The following ZNF875 variants were observed in gnomAD, a reference collection of about 807,000 sequenced individuals.
The protein encoded by ZNF875 is zinc finger protein 875.
A neutral mutation model predicts 11.2 loss-of-function variants in ZNF875; 14 were observed. The observed-to-expected ratio is 1.26, with a 90% CI of 0.83 to 1.96. ZNF875 has a LOEUF of 1.96. Ranked by LOEUF, ZNF875 falls within the 30% of genes most tolerant of loss-of-function variation. The probability of loss-of-function intolerance (pLI) is 0.00; values close to 1 mark genes in which losing one functional copy is unlikely to be tolerated. For synonymous variants in ZNF875, 301 were observed against 281.1 expected, an observed-to-expected ratio of 1.07 and a Z score of -0.71; for missense variants, 752 against 760.4, an observed-to-expected ratio of 0.99 and a Z score of 0.13.
intron 4 of ZNF875, among the ~76,000 whole-genome samples, chr19:37,360,725 G>A (rs918995167): frequency 1.3e-5 from 2 of 151,166 alleles, no homozygotes; most frequent in African/African-American, 4.9e-5. Flanking sequence ...CTAACTTCTG[G>A]CCTCAAGCAA....
chr19:37,321,780 G>A (rs1272127150), intron 1 of ZNF875, among the ~76,000 whole-genome samples: 2 of 152,140 alleles, frequency 1.3e-5, no homozygotes, highest in East Asian at 1.9e-4. Context: ...AATCCACCCA[G>A]GATCGGGGAG....
At position 37,352,078 on chromosome 19, in the gene ZNF875, A is replaced by T. The variant is rs565446791; in HGVS notation, c.256+4206A>T. 2.6e-5 allele frequency among the ~76,000 whole-genome samples: 4 copies of T among 152,278 alleles called. No individual in the cohort carries two copies. The South Asian group carries it at 8.3e-4, about 32-fold the overall frequency. On this transcript the variant is annotated intron_variant, in intron 4 of 4. Coordinates refer to ENST00000392153, the MANE Select transcript of ZNF875 (RefSeq NM_001353803.2). ...AAGGTTTTGATTCATACAGTTAGTAATTTTGCTATGAGGCACATGTACATT... is the reference window on the plus strand; with the variant it reads ...AAGGTTTTGATTCATACAGTTAGTATTTTTGCTATGAGGCACATGTACATT...
chr19:37,360,170 TATAAA>T (rs2039669882), intron 4 of ZNF875, among the ~76,000 whole-genome samples: 1 of 152,242 alleles, frequency 6.6e-6, no homozygotes, highest in South Asian at 2.1e-4. Context: ...TACAATCTCA[TATAAA>T]GAGTATCCTT....
chr19:37,314,623 G>T (rs558443719), upstream of ZNF875, among the ~76,000 whole-genome samples: 1 of 151,884 alleles, frequency 6.6e-6, no homozygotes, highest in African/African-American at 2.4e-5. Flanking sequence ...TCAGAAGTTC[G>T]AGAGCATTCT....
intron 4 of ZNF875, among the ~76,000 whole-genome samples, chr19:37,360,240 A>G (rs1384339909): frequency 6.6e-6 from 1 of 152,216 alleles, no homozygotes; most frequent in Non-Finnish European, 1.5e-5. Flanking sequence ...CTGTGAATCT[A>G]AGTGTTCATT....
At chr19:37,319,130 T>C (rs1262924990) in intron 1 of ZNF875, among the ~76,000 whole-genome samples, 3 of 150,574 alleles carry the variant, frequency 2.0e-5, no homozygotes, top group African/African-American at 7.4e-5. Context: ...CACTGCAACC[T>C]CCGCCTCACG....
intron 2 of ZNF875, among the ~76,000 whole-genome samples, chr19:37,339,269 G>T (rs184856815): frequency 1.4e-4 from 22 of 151,988 alleles, no homozygotes; most frequent in African/African-American, 5.3e-4. Flanking sequence ...TATCTACCCA[G>T]CTCTATTTTT....
At chr19:37,353,822 T>C (rs781047132) in intron 4 of ZNF875, among the ~76,000 whole-genome samples, 1 of 152,204 alleles carries the variant, frequency 6.6e-6, no homozygotes, top group Non-Finnish European at 1.5e-5. Context: ...ATCTTTGGCC[T>C]TCAGCAGTTT....
chr19:37,344,669 A>G (rs751221765), intron 2 of ZNF875: 1 of 1,612,348 alleles, frequency 6.2e-7, no homozygotes, highest in Non-Finnish European at 8.5e-7. Flanking sequence ...TCAGTGGGAG[A>G]GATTTGGAGT....
chr19:37,347,711 CT>C lies in ZNF875; in HGVS notation c.161-65del. 1.0e-5 allele frequency: 10 copies of C among 1,000,406 alleles called. No individual in the cohort carries two copies. In the South Asian group the frequency reaches 1.3e-4, roughly 13 times the overall value. 62.0% of individuals were successfully genotyped at this position (1,000,406 alleles called of 1,614,324 possible). A position where few individuals can be genotyped will look rare whatever the true frequency, so the allele number is the denominator to read the frequency against. ...CTGGGTTTCCTCACCCATTTCAGCT[CT>C]GAGTTCTAGAATGCCCTCTTGAGCC... is the stretch of plus-strand genomic sequence containing the variant. On this transcript the variant is annotated intron_variant, in intron 3 of 4. Coordinates refer to ENST00000392153, the MANE Select transcript of ZNF875 (RefSeq NM_001353803.2).
chr19:37,326,664 C>A (rs890152543), intron 4 of ZNF875, among the ~76,000 whole-genome samples: 28 of 88,096 alleles, frequency 3.2e-4, no homozygotes, highest in African/African-American at 1.1e-3. Flanking sequence ...AATTAGAAAG[C>A]TTTTTTTTTT....
chr19:37,337,975 A>T (rs756250889), intron 2 of ZNF875, among the ~76,000 whole-genome samples: 3 of 152,174 alleles, frequency 2.0e-5, no homozygotes, highest in Non-Finnish European at 4.4e-5. Flanking sequence ...GGTGGGGATT[A>T]TGCATTCCTG....
At position 37,364,122 on chromosome 19, in the gene ZNF875, G is replaced by A. The variant is rs559834679; in HGVS notation, c.*347G>A. 4.8e-5 allele frequency: 12 copies of A among 249,032 alleles called. No homozygotes were observed. The highest frequency in any genetic ancestry group is 9.0e-5 in the African/African-American group (4 of 44,678). The allele number at this position is 249,032 out of a possible 1,614,324, so 15.4% of individuals were successfully genotyped here. A position where few individuals can be genotyped will look rare whatever the true frequency, so the allele number is the denominator to read the frequency against. On this transcript the variant is annotated 3_prime_UTR_variant, in exon 5 of 5. Transcript: ENST00000392153. ...CAACCTTAAAGCTGAAGACAGTCCC[G>A]GCTAAATCCTCATACTGAATTGAGA...
At chr19:37,345,887 G>A (rs1004519739) in intron 2 of ZNF875, among the ~76,000 whole-genome samples, 1 of 152,158 alleles carries the variant, frequency 6.6e-6, no homozygotes, top group African/African-American at 2.4e-5. Context: ...GCCAAGGACG[G>A]TTATATATTC....
Position 37,363,864 on chromosome 19 carries a change from T to G in ZNF875, c.*89T>G. The G allele has an allele frequency of 9.0e-7, 1 of 1,105,836 alleles. No individual in the cohort carries two copies. Among genetic ancestry groups the G allele is most frequent in the Non-Finnish European group, 1.3e-6 (1 of 752,018 alleles). The allele number at this position is 1,105,836 out of a possible 1,614,324, so 68.5% of individuals were successfully genotyped here. On this transcript the variant is annotated 3_prime_UTR_variant, in exon 5 of 5. Transcript: ENST00000392153. ...CAGAGGACACACACAGTGCTGTGGC[T>G]TTTTCAGCCATTGCTAGATACCAAA... is the stretch of plus-strand genomic sequence containing the variant.
At chr19:37,332,207 A>G (rs2145846068), upstream of ZNF875, among the ~76,000 whole-genome samples, 1 of 149,198 alleles carries the variant, frequency 6.7e-6, no homozygotes, top group Admixed American at 6.7e-5. Context: ...AATAAATACT[A>G]AGGGAACTCA....
rs1269157033 is a variant in ZNF875, at chr19:37,363,817, G to A, written c.*42G>A. On this transcript the variant is annotated 3_prime_UTR_variant, in exon 5 of 5. Transcript: ENST00000392153. ...GGGAATGTGGTACAGCCTTTAGCCA[G>A]GAGTCATACTTCATCAGACACCAGA... 5 of 1,537,964 alleles carry A rather than the reference G, an allele frequency of 3.3e-6. No homozygotes were observed. Among genetic ancestry groups the A allele is most frequent in the Non-Finnish European group, 3.6e-6 (4 of 1,116,346 alleles).
chr19:37,361,138 G>A (rs1383687182), intron 4 of ZNF875, among the ~76,000 whole-genome samples: 1 of 125,614 alleles, frequency 8.0e-6, no homozygotes, highest in Non-Finnish European at 1.6e-5. Flanking sequence ...TTGAGACAGA[G>A]TCTCACTGTG....
rs770292858 is a variant in ZNF875, at chr19:37,362,855, C to T, written c.1003C>T (p.Leu335Phe). ...TACACATCAGCGGACACACTCAGGG[C>T]TCAAGCCTTATGTGTGCAAGGAATG... Reference protein sequence around the residue: ...LFTHQRTHSGLKPYVCKECGQ... With the variant: ...LFTHQRTHSGFKPYVCKECGQ... The change falls in exon 5 of 5, where the codon CTC (leucine) becomes TTC (phenylalanine). Residue 335 changes from leucine (L) to phenylalanine (F), a missense_variant. Leu to Phe is a conservative substitution (Grantham distance 22, BLOSUM62 0). Transcript: ENST00000392153. The T allele has an allele frequency of 2.5e-6, 4 of 1,612,800 alleles. No individual in the cohort carries two copies. The highest frequency in any genetic ancestry group is 1.3e-5 in the African/African-American group (1 of 74,460).
Sources: gnomAD v4.1 joint callset for allele counts (sites outside exome capture counted in the v4.1 genomes callset) on GRCh38, gnomAD v4.1.1 for gene constraint, MANE v1.5 for transcripts, NCBI Gene and HGNC (gene_info 2026-07-23, HGNC 2026-07-21) for gene names.